MAML3: variants seen among roughly 807,000 people sequenced by gnomAD.
MAML3 encodes the protein mastermind like transcriptional coactivator 3.
MAML3 carries 27 observed loss-of-function variants against 101.9 expected under a neutral mutation model. That is an observed-to-expected ratio of 0.27 (90% CI 0.20 to 0.37). The LOEUF (loss-of-function observed/expected upper bound fraction) is 0.37. Ranked by LOEUF, MAML3 falls within the 10% of genes least tolerant of loss-of-function variation. MAML3 has a pLI of 1.00. For synonymous variants in MAML3, 501 were observed against 555.9 expected (o/e 0.90, Z 1.39); for missense variants, 1,316 against 1,444.9 (o/e 0.91, Z 1.45).
At position 139,828,535 on chromosome 4, in the gene MAML3, G is replaced by A. The variant is rs540389292; in HGVS notation, c.2079+60822C>T. Among the ~76,000 whole-genome samples, 6 of 152,184 alleles carry A rather than the reference G, an allele frequency of 3.9e-5. No individual in the cohort carries two copies. In the South Asian group the frequency reaches 6.2e-4, roughly 16 times the overall value. On this transcript the variant is annotated intron_variant, in intron 2 of 4. Coordinates refer to ENST00000509479, the MANE Select transcript of MAML3 (RefSeq NM_018717.5). The stretch of plus-strand genomic sequence containing the variant: ...CATTGTCTGGATAGTGGAACTCCAC[G>A]GAATAAACAAAGCCCTGAGCATCAT...
At chr4:139,924,352 T>C (rs907751316) in intron 1 of MAML3, among the ~76,000 whole-genome samples, 78 of 152,356 alleles carry the variant, frequency 5.1e-4, no homozygotes, top group African/African-American at 1.9e-3. Context: ...AATTGCTTTT[T>C]TGTGTGTACA....
chr4:139,761,050 C>T (rs1176407887), intron 2 of MAML3, among the ~76,000 whole-genome samples: 1 of 152,176 alleles, frequency 6.6e-6, no homozygotes, highest in African/African-American at 2.4e-5. Context: ...CCTCCACCTC[C>T]CGGGTTCAAG....
At chr4:139,768,413 A>T (rs1028868728) in intron 2 of MAML3, among the ~76,000 whole-genome samples, 1 of 152,234 alleles carries the variant, frequency 6.6e-6, no homozygotes, top group Non-Finnish European at 1.5e-5. Context: ...CTTGTAAAAA[A>T]TAACATCTGA....
intron 1 of MAML3, among the ~76,000 whole-genome samples, chr4:140,125,567 A>G (rs1222486716): frequency 2.6e-5 from 4 of 152,162 alleles, no homozygotes. Context: ...CACAAGGCAA[A>G]CTGACTGACC....
intron 1 of MAML3, among the ~76,000 whole-genome samples, chr4:139,986,312 C>T (rs982690228): frequency 7.2e-5 from 11 of 152,174 alleles, no homozygotes; most frequent in South Asian, 6.2e-4. Context: ...CCTTAGCAAA[C>T]ATCAGGGACA....
intron 1 of MAML3, among the ~76,000 whole-genome samples, chr4:140,009,491 A>AT (rs933475934): frequency 2.0e-5 from 3 of 151,954 alleles, no homozygotes; most frequent in East Asian, 1.9e-4. Context: ...TTTTCCTATA[A>AT]TTTTTTTTGT....
At position 139,720,101 on chromosome 4, in the gene MAML3, T is replaced by G. The variant is rs1348631262; in HGVS notation, c.2639A>C (p.Gln880Pro). 6.2e-7 allele frequency: 1 copy of G among 1,614,094 alleles called. No homozygotes were observed. The highest frequency in any genetic ancestry group is 1.1e-5 in the South Asian group (1 of 91,088). ...ACTTTGGTTTGGATGCTGCAACATT[T>G]GGGTCATGCCTGTGCTCATATTGTA... The part of the protein sequence containing the change: ...GMYNMSTGMT[Q>P]MLQHPNQSGM... The change falls in exon 5 of 5, where the codon CAA (glutamine) becomes CCA (proline). Residue 880 changes from glutamine to proline, a missense_variant. Transcript: ENST00000509479.
chr4:139,892,498 T>C (rs1732519651), intron 1 of MAML3, among the ~76,000 whole-genome samples: 1 of 152,068 alleles, frequency 6.6e-6, no homozygotes, highest in African/African-American at 2.4e-5. Flanking sequence ...AGCCATCTTC[T>C]AACTCGTCTT....
intron 4 of MAML3, among the ~76,000 whole-genome samples, chr4:139,721,296 G>A (rs1257330825): frequency 6.6e-6 from 1 of 152,200 alleles, no homozygotes; most frequent in Non-Finnish European, 1.5e-5. Flanking sequence ...CAAGGGAATG[G>A]AAATGTCGCC....
intron 1 of MAML3, among the ~76,000 whole-genome samples, chr4:139,991,705 G>A (rs183909084): frequency 8.7e-4 from 132 of 152,170 alleles, no homozygotes; most frequent in Non-Finnish European, 1.8e-4. Context: ...CACCAGGTCA[G>A]ATGCAGTGGC....
chr4:140,091,641 G>C lies in MAML3; in HGVS notation c.468+61219C>G, dbSNP rs138530950. On this transcript the variant is annotated intron_variant, in intron 1 of 4. Transcript: ENST00000509479. ...ACACCCATTAGATAGTACTTGTAAG[G>C]TATTCAGACCCTGAGAAATTAGTTT... 3.3e-3 allele frequency among the ~76,000 whole-genome samples: 494 copies of C among 151,752 alleles called. 2 individuals are homozygous for C. Among genetic ancestry groups the C allele is most frequent in the African/African-American group, 0.011 (469 of 41,410 alleles).
At chr4:140,037,849 G>T (rs2110902280) in intron 1 of MAML3, among the ~76,000 whole-genome samples, 1 of 152,294 alleles carries the variant, frequency 6.6e-6, no homozygotes, top group Admixed American at 6.5e-5. Flanking sequence ...ATCTATAAGG[G>T]CCCTTTGTCT....
chr4:140,008,357 A>C (rs1726492573), intron 1 of MAML3, among the ~76,000 whole-genome samples: 3 of 152,238 alleles, frequency 2.0e-5, no homozygotes, highest in Admixed American at 2.0e-4. Flanking sequence ...CAATTAAAAA[A>C]AAAAAGAATC....
At chr4:140,084,040 G>A (rs1727911966) in intron 1 of MAML3, among the ~76,000 whole-genome samples, 1 of 149,698 alleles carries the variant, frequency 6.7e-6, no homozygotes, top group African/African-American at 2.5e-5. Flanking sequence ...AGCAGAGAAT[G>A]GCCAACCCCA....
At chr4:139,957,556 T>C (rs571931807) in intron 1 of MAML3, among the ~76,000 whole-genome samples, 1 of 152,334 alleles carries the variant, frequency 6.6e-6, no homozygotes, top group South Asian at 2.1e-4. Context: ...GAGTTCCCTT[T>C]ATCACAGAGC....
rs143038345 is a variant in MAML3 at position 139,818,037 on chromosome 4, A to G, written c.2079+71320T>C. On this transcript the variant is annotated intron_variant, in intron 2 of 4. Transcript: ENST00000509479. ...CTGGTGGGTTTGTTAAAATGCCACAATACTGGGCACCACTCCTGAGAATTT... is the reference window on the plus strand; with the variant it reads ...CTGGTGGGTTTGTTAAAATGCCACAGTACTGGGCACCACTCCTGAGAATTT... Among the ~76,000 whole-genome samples the G allele has an allele frequency of 5.3e-3, 811 of 152,362 alleles. 5 individuals are homozygous for G. The highest frequency in any genetic ancestry group is 8.1e-3 in the Non-Finnish European group (552 of 68,038).
chr4:139,767,019 C>T (rs1189438950), intron 2 of MAML3, among the ~76,000 whole-genome samples: 3 of 152,224 alleles, frequency 2.0e-5, no homozygotes, highest in Admixed American at 6.5e-5. Flanking sequence ...CAAGTATACA[C>T]GTGACTATTA....
intron 2 of MAML3, among the ~76,000 whole-genome samples, chr4:139,775,887 A>C (rs1730086651): frequency 6.6e-6 from 1 of 152,182 alleles, no homozygotes; most frequent in Non-Finnish European, 1.5e-5. Context: ...CCGACTGCTT[A>C]GGAAATATTT....
At chr4:140,003,182 G>A (rs1726360573) in intron 1 of MAML3, among the ~76,000 whole-genome samples, 1 of 152,164 alleles carries the variant, frequency 6.6e-6, no homozygotes, top group Non-Finnish European at 1.5e-5. Flanking sequence ...GATGGCACGA[G>A]GACTTCACCT....
Sources: allele counts gnomAD v4.1 joint callset (sites outside exome capture counted in the v4.1 genomes callset), GRCh38; gene constraint gnomAD v4.1.1; transcripts MANE v1.5; gene names NCBI Gene and HGNC (gene_info 2026-07-23, HGNC 2026-07-21).